The following OLFM4 variants were observed in gnomAD, a reference collection of about 807,000 sequenced individuals.
OLFM4 encodes olfactomedin-4.
Under a neutral mutation model 25.5 loss-of-function variants are expected in OLFM4, and 22 were observed. The ratio of observed to expected loss-of-function variants is 0.86; its 90% CI spans 0.62 to 1.23. The LOEUF is 1.23. OLFM4 is among the 50% of genes most tolerant of loss of function. The pLI, the probability that OLFM4 is intolerant of heterozygous loss-of-function variation, is 0.00. For missense variants in OLFM4, 594 were observed against 619.4 expected, an observed-to-expected ratio of 0.96 and a Z score of 0.44; for synonymous variants, 255 against 237.7, an observed-to-expected ratio of 1.07 and a Z score of -0.67.
At chr13:53,034,294 C>T in intron 1 of OLFM4, 54 bp from the exon 2 acceptor site, 1 of 1,587,678 alleles carries the variant, frequency 6.3e-7, no homozygotes, top group Non-Finnish European at 8.6e-7. Context: ...ACTCCAGTTG[C>T]CAAAAGCTCA....
chr13:53,028,846 G>C lies in OLFM4; in HGVS notation c.10G>C (p.Gly4Arg). 1 of 1,614,180 alleles carries C rather than the reference G, an allele frequency of 6.2e-7. No homozygotes were observed. Among genetic ancestry groups the C allele is most frequent in the Non-Finnish European group, 8.5e-7 (1 of 1,180,022 alleles). MRP[G>R]LSFLLALLFF... ...CAGCTAAGAGGACAAGATGAGGCCC[G>C]GCCTCTCATTTCTCCTAGCCCTTCT... The change falls in exon 1 of 5, where the codon GGC becomes CGC. Residue 4 changes from glycine (G) to arginine (R), a missense_variant. By Grantham distance (125) the Gly-to-Arg change is moderately radical (BLOSUM62 -2). Coordinates refer to ENST00000219022, the MANE Select transcript of OLFM4 (RefSeq NM_006418.5).
intron 2 of OLFM4, 142 bp downstream of exon 2, chr13:53,034,642 T>C (rs931006304): frequency 3.9e-6 from 3 of 766,128 alleles, no homozygotes; most frequent in Non-Finnish European, 2.0e-6. Flanking sequence ...ATTTATTTTA[T>C]AGGACACCAA....
chr13:53,034,864 C>T (rs973999026), intron 2 of OLFM4, among the ~76,000 whole-genome samples: 1 of 152,148 alleles, frequency 6.6e-6, no homozygotes, highest in African/African-American at 2.4e-5. Context: ...TCAAGCTTTG[C>T]TTTCTTTTCT....
At position 53,050,424 on chromosome 13, in the gene OLFM4, T is replaced by C. The variant is rs776376569; in HGVS notation, c.1186T>C (p.Tyr396His). Residue 396 changes from tyrosine (Y) to histidine (H), a missense_variant, in exon 5 of 5, where the codon TAT becomes CAT. Transcript: ENST00000219022. ...GGATGAGAATGGATTGTGGGTTATT[T>C]ATTCAACTGAAGCCAGCACTGGTAA... ...AVDENGLWVI[Y>H]STEASTGNMV... 4 of 1,613,972 alleles carry C rather than the reference T, an allele frequency of 2.5e-6. No individual in the cohort carries two copies. In the South Asian group the frequency reaches 4.4e-5, roughly 18 times the overall value.
intron 2 of OLFM4, among the ~76,000 whole-genome samples, chr13:53,041,029 GA>G (rs1954684144): frequency 6.6e-6 from 1 of 152,192 alleles, no homozygotes; most frequent in African/African-American, 2.4e-5. Flanking sequence ...CTGTTGGTGG[GA>G]GTGTAAATTA....
chr13:53,037,563 C>T (rs1954665390), intron 2 of OLFM4, among the ~76,000 whole-genome samples: 3 of 152,180 alleles, frequency 2.0e-5, no homozygotes, highest in Non-Finnish European at 1.5e-5. Flanking sequence ...ACTTAACGTA[C>T]ATTATCTCTA....
At position 53,028,954 on chromosome 13, in the gene OLFM4, G is replaced by A. The variant is rs1298887270; in HGVS notation, c.118G>A (p.Val40Ile). 4 of 1,614,198 alleles carry A rather than the reference G, an allele frequency of 2.5e-6. No individual in the cohort carries two copies. Among genetic ancestry groups the A allele is most frequent in the Non-Finnish European group, 3.4e-6 (4 of 1,180,022 alleles). Residue 40 changes from valine (V) to isoleucine (I), a missense_variant, in exon 1 of 5, where the codon GTT becomes ATT. Physicochemically the swap from Val to Ile is conservative, Grantham distance 29. Coordinates refer to ENST00000219022, the MANE Select transcript of OLFM4 (RefSeq NM_006418.5). Reference protein sequence around the residue: ...PSPGFSSFPGVDSSSSFSSSS... With the variant: ...PSPGFSSFPGIDSSSSFSSSS... ...CCCCGGCTTCAGCTCTTTCCCAGGT[G>A]TTGACTCCAGCTCCAGCTTCAGCTC...
chr13:53,034,051 C>T lies in OLFM4; in HGVS notation c.205-297C>T, dbSNP rs200058901. Among the ~76,000 whole-genome samples the T allele has an allele frequency of 3.7e-4, 34 of 91,198 alleles. No individual in the cohort carries two copies. In the East Asian group the frequency reaches 9.5e-3, roughly 25 times the overall value. 59.8% of individuals were successfully genotyped at this position (91,198 alleles called of 152,430 possible). A position where few individuals can be genotyped will look rare whatever the true frequency, so the allele number is the denominator to read the frequency against. On this transcript the variant is annotated intron_variant, in intron 1 of 4. Transcript: ENST00000219022. ...CAGCCTGGGCGACAGAGTGAGACTC[C>T]GTCTCAAAAAAAAAAAAAAAAAAAA...
At chr13:53,037,082 T>C (rs923858790) in intron 2 of OLFM4, among the ~76,000 whole-genome samples, 4 of 152,206 alleles carry the variant, frequency 2.6e-5, no homozygotes, top group East Asian at 1.9e-4. Flanking sequence ...GCCTTGAAAA[T>C]TGTCATTTAT....
Position 53,034,457 on chromosome 13 carries a change from C to T in OLFM4, c.314C>T (p.Thr105Ile), listed in dbSNP as rs541581446. 179 of 1,613,988 alleles carry T rather than the reference C, an allele frequency of 1.1e-4. No individual in the cohort carries two copies. The highest frequency in any genetic ancestry group is 1.4e-4 in the Non-Finnish European group (166 of 1,179,946). Reference sequence around the variant, plus strand: ...GACAGAGTGGAACGCTTGGAATTCACAGCTCATGTTCTTTCTCAGAAGTTT... The same window carrying T: ...GACAGAGTGGAACGCTTGGAATTCATAGCTCATGTTCTTTCTCAGAAGTTT... ...PVDRVERLEF[T>I]AHVLSQKFEK... is the part of the protein sequence containing the mutation. The change falls in exon 2 of 5, where the codon ACA becomes ATA. Residue 105 changes from threonine (T) to isoleucine (I), a missense_variant. Thr to Ile is a moderately conservative substitution (Grantham distance 89). Transcript: ENST00000219022.
In OLFM4 at chr13:53,028,925, C is replaced by T; in HGVS notation, c.89C>T (p.Pro30Leu). 1 of 1,614,242 alleles carries T rather than the reference C, an allele frequency of 6.2e-7. No individual in the cohort carries two copies. The highest frequency in any genetic ancestry group is 1.3e-5 in the African/African-American group (1 of 75,070). ...GDLGDVGPPI[P>L]SPGFSSFPGV... ...TTGGGGGATGTGGGACCTCCAATTCCCAGCCCCGGCTTCAGCTCTTTCCCA... is the reference window on the plus strand; with the variant it reads ...TTGGGGGATGTGGGACCTCCAATTCTCAGCCCCGGCTTCAGCTCTTTCCCA... The change falls in exon 1 of 5, where the codon CCC becomes CTC. Residue 30 changes from proline (P) to leucine (L), a missense_variant. By Grantham distance (98) the Pro-to-Leu change is moderately conservative (BLOSUM62 -3). Coordinates refer to ENST00000219022, the MANE Select transcript of OLFM4 (RefSeq NM_006418.5).
rs138406964 is a variant in OLFM4, at chr13:53,032,392, C to G, written c.205-1956C>G. On this transcript the variant is annotated intron_variant, in intron 1 of 4. Coordinates refer to ENST00000219022, the MANE Select transcript of OLFM4 (RefSeq NM_006418.5). ...TATAATAAGCTATTTCTTCAAAAGT[C>G]CTTGATATGTCGGTCTTTTCTGTAA... 7.9e-4 allele frequency among the ~76,000 whole-genome samples: 120 copies of G among 152,124 alleles called. No homozygotes were observed. In the East Asian group the frequency reaches 0.023, roughly 29 times the overall value.
intron 1 of OLFM4, among the ~76,000 whole-genome samples, chr13:53,032,573 G>C (rs143932940): frequency 6.6e-6 from 1 of 152,084 alleles, no homozygotes; most frequent in East Asian, 1.9e-4. Context: ...AAACCCTGCT[G>C]TCCACCCCTA....
chr13:53,035,156 T>C (rs910897667), intron 2 of OLFM4, among the ~76,000 whole-genome samples: 4 of 151,604 alleles, frequency 2.6e-5, no homozygotes, highest in Admixed American at 2.6e-4. Context: ...TCCTCCTCCC[T>C]CCCTCTCTCT....
At chr13:53,044,822 A>T (rs1480569866) in intron 4 of OLFM4, among the ~76,000 whole-genome samples, 1 of 152,132 alleles carries the variant, frequency 6.6e-6, no homozygotes, top group Non-Finnish European at 1.5e-5. Context: ...ACCACAGAGG[A>T]CTCACTGAGG....
chr13:53,043,874 G>C lies in OLFM4; in HGVS notation c.730+610G>C, dbSNP rs144429556. On this transcript the variant is annotated intron_variant, in intron 4 of 4. Transcript: ENST00000219022. ...TCCTCATGGATTGTGAGTTCTTGGA[G>C]TAGGGGTGGCATGTTCGTCTTTAAT... Among the ~76,000 whole-genome samples the C allele has an allele frequency of 1.2e-3, 189 of 152,276 alleles. 1 individual carries two copies. In the Middle Eastern group the frequency reaches 0.02, roughly 16 times the overall value.
At chr13:53,048,373 T>C (rs1486123818) in intron 4 of OLFM4, among the ~76,000 whole-genome samples, 1 of 152,194 alleles carries the variant, frequency 6.6e-6, no homozygotes, top group African/African-American at 2.4e-5. Context: ...AGTGGTTTCA[T>C]TTCTCTACCT....
chr13:53,050,786 A>T lies in OLFM4; in HGVS notation c.*15A>T. The T allele has an allele frequency of 6.5e-7, 1 of 1,544,952 alleles. No individual in the cohort carries two copies. Among genetic ancestry groups the T allele is most frequent in the Non-Finnish European group, 8.7e-7 (1 of 1,151,614 alleles). Reference sequence around the variant, plus strand: ...AGCCCCAGTAAGCTGTTTAGGAGTTAGGGTGAAAGAGAAAATGTTTGTTGA... The same window carrying T: ...AGCCCCAGTAAGCTGTTTAGGAGTTTGGGTGAAAGAGAAAATGTTTGTTGA... On this transcript the variant is annotated 3_prime_UTR_variant, in exon 5 of 5. Coordinates refer to ENST00000219022, the MANE Select transcript of OLFM4 (RefSeq NM_006418.5).
At chr13:53,032,799 G>A (rs1450271506) in intron 1 of OLFM4, among the ~76,000 whole-genome samples, 1 of 151,840 alleles carries the variant, frequency 6.6e-6, no homozygotes, top group African/African-American at 2.4e-5. Flanking sequence ...GATTGGCCCC[G>A]AGGCCAGTGA....
Sources: allele counts gnomAD v4.1 joint callset (sites outside exome capture counted in the v4.1 genomes callset), GRCh38; gene constraint gnomAD v4.1.1; transcripts MANE v1.5; gene names NCBI Gene and HGNC (gene_info 2026-07-23, HGNC 2026-07-21).